PCDH9: variants seen among roughly 807,000 people sequenced by gnomAD.
PCDH9 encodes protocadherin-9.
In PCDH9, 24 loss-of-function variants were observed where a neutral mutation model predicts 70.6. The observed-to-expected ratio is 0.34, with a 90% CI of 0.25 to 0.48. PCDH9 has a LOEUF of 0.48. Ranked by LOEUF, PCDH9 falls within the 20% of genes least tolerant of loss-of-function variation. The pLI is 0.99. For missense variants in PCDH9, 1,281 were observed against 1,503.6 expected (o/e 0.85, Z 2.45); for synonymous variants, 562 against 558.5 (o/e 1.01, Z -0.09).
chr13:66,314,949 G>T (rs1373341047), intron 4 of PCDH9, among the ~76,000 whole-genome samples: 2 of 152,270 alleles, frequency 1.3e-5, no homozygotes, highest in East Asian at 1.9e-4. Flanking sequence ...AGAGATTGTT[G>T]GTAGGCCTAA....
intron 2 of PCDH9, among the ~76,000 whole-genome samples, chr13:66,986,905 A>G (rs1290647431): frequency 1.3e-5 from 2 of 151,942 alleles, no homozygotes; most frequent in African/African-American, 4.8e-5. Context: ...TTCCATTACT[A>G]TAGTATCTAT....
chr13:66,889,860 G>GA (rs143595664), intron 3 of PCDH9, among the ~76,000 whole-genome samples: 1,723 of 152,066 alleles, frequency 0.011, 30 homozygotes, highest in African/African-American at 0.039. Flanking sequence ...GCTTTTTGGC[G>GA]AAAAAATAGG....
At chr13:66,963,642 T>C (rs1422726616) in intron 2 of PCDH9, among the ~76,000 whole-genome samples, 2 of 152,222 alleles carry the variant, frequency 1.3e-5, no homozygotes, top group Non-Finnish European at 2.9e-5. Flanking sequence ...GCAGAGATTA[T>C]GTGATATAAT....
chr13:66,948,195 T>C (rs2083120846), intron 2 of PCDH9, among the ~76,000 whole-genome samples: 1 of 152,112 alleles, frequency 6.6e-6, no homozygotes, highest in South Asian at 2.1e-4. Context: ...CATTTGGAAA[T>C]AGTAGCAGGT....
intron 2 of PCDH9, among the ~76,000 whole-genome samples, chr13:67,116,687 C>A (rs2086782423): frequency 6.6e-6 from 1 of 152,132 alleles, no homozygotes; most frequent in Non-Finnish European, 1.5e-5. Flanking sequence ...TAAAATCAAA[C>A]CTATTGCTCC....
chr13:66,374,974 C>T (rs1387010087), intron 4 of PCDH9, among the ~76,000 whole-genome samples: 1 of 151,992 alleles, frequency 6.6e-6, no homozygotes, highest in Non-Finnish European at 1.5e-5. Flanking sequence ...AATCAGTTGA[C>T]AGTTTTAGGT....
chr13:66,434,198 C>T (rs923312944), intron 4 of PCDH9, among the ~76,000 whole-genome samples: 1 of 151,818 alleles, frequency 6.6e-6, no homozygotes, highest in African/African-American at 2.4e-5. Flanking sequence ...CACAGTTTAT[C>T]CCAATTCATT....
At chr13:66,975,382 T>G (rs1164505856) in intron 2 of PCDH9, among the ~76,000 whole-genome samples, 1 of 152,084 alleles carries the variant, frequency 6.6e-6, no homozygotes, top group Non-Finnish European at 1.5e-5. Context: ...ACATTTGCTC[T>G]GTGTTAGACA....
intron 3 of PCDH9, among the ~76,000 whole-genome samples, chr13:66,756,478 T>G (rs752886639): frequency 6.6e-6 from 1 of 152,094 alleles, no homozygotes; most frequent in African/African-American, 2.4e-5. Flanking sequence ...ATAACTTTGA[T>G]GTTGGTATCA....
intron 2 of PCDH9, among the ~76,000 whole-genome samples, chr13:66,929,742 C>T (rs2139658904): frequency 1.3e-5 from 2 of 152,230 alleles, no homozygotes; most frequent in Middle Eastern, 6.8e-3. Flanking sequence ...TACTGCATTG[C>T]ATATTTTAAA....
chr13:66,734,998 A>C (rs1433459519), intron 3 of PCDH9, among the ~76,000 whole-genome samples: 3 of 152,224 alleles, frequency 2.0e-5, no homozygotes, highest in Non-Finnish European at 4.4e-5. Context: ...AACAGTATGT[A>C]CATGTTGATT....
At chr13:66,808,525 A>AC (rs1180197993) in intron 3 of PCDH9, among the ~76,000 whole-genome samples, 1 of 151,944 alleles carries the variant, frequency 6.6e-6, no homozygotes, top group East Asian at 1.9e-4. Flanking sequence ...ACAAAACAAA[A>AC]AAACAGAATT....
intron 2 of PCDH9, among the ~76,000 whole-genome samples, chr13:66,995,034 C>T (rs968024820): frequency 9.8e-5 from 15 of 152,340 alleles, no homozygotes; most frequent in East Asian, 7.7e-4. Context: ...TTGTCACCCA[C>T]GCACTTGATT....
intron 2 of PCDH9, among the ~76,000 whole-genome samples, chr13:67,133,502 C>T (rs1410522176): frequency 6.6e-6 from 1 of 152,050 alleles, no homozygotes; most frequent in Non-Finnish European, 1.5e-5. Context: ...ATATAGGATG[C>T]TTTACTGTCT....
intron 2 of PCDH9, among the ~76,000 whole-genome samples, chr13:66,947,353 T>C (rs1239324073): frequency 2.0e-5 from 3 of 152,246 alleles, no homozygotes; most frequent in Non-Finnish European, 4.4e-5. Flanking sequence ...TACAGTAAGA[T>C]TGTAGTGTAA....
intron 3 of PCDH9, among the ~76,000 whole-genome samples, chr13:66,892,501 A>C (rs552392717): frequency 6.6e-6 from 1 of 152,072 alleles, no homozygotes; most frequent in East Asian, 1.9e-4. Context: ...CAATCATTTC[A>C]ACATATCACA....
chr13:66,706,547 A>C (rs2078713961), intron 3 of PCDH9, among the ~76,000 whole-genome samples: 1 of 152,230 alleles, frequency 6.6e-6, no homozygotes, highest in African/African-American at 2.4e-5. Flanking sequence ...TAGCAGCTGC[A>C]GTAGTGGTAG....
intron 4 of PCDH9, among the ~76,000 whole-genome samples, chr13:66,518,335 C>T (rs1959836232): frequency 1.3e-5 from 2 of 152,118 alleles, no homozygotes; most frequent in South Asian, 2.1e-4. Context: ...GCCTACAACA[C>T]TGGGGATTAG....
intron 4 of PCDH9, among the ~76,000 whole-genome samples, chr13:66,381,063 A>G (rs1425715079): frequency 2.0e-5 from 3 of 152,188 alleles, no homozygotes; most frequent in African/African-American, 7.2e-5. Flanking sequence ...TGTCAAAAAA[A>G]TAGTTTTCTT....
Sources: allele counts gnomAD v4.1 joint callset (sites outside exome capture counted in the v4.1 genomes callset), GRCh38; gene constraint gnomAD v4.1.1; transcripts MANE v1.5; gene names NCBI Gene and HGNC (gene_info 2026-07-23, HGNC 2026-07-21).